SLC44A1: variants seen among roughly 807,000 people sequenced by gnomAD.
SLC44A1 encodes the protein solute carrier family 44 member 1, also known as choline transporter-like protein 1.
A neutral mutation model predicts 79.3 loss-of-function variants in SLC44A1; 26 were observed. The ratio of observed to expected loss-of-function variants is 0.33; its 90% confidence interval spans 0.24 to 0.46. The LOEUF (loss-of-function observed/expected upper bound fraction) is 0.46. Ranked by LOEUF, SLC44A1 falls within the 20% of genes least tolerant of loss-of-function variation. The probability of loss-of-function intolerance (pLI) is 1.00; values close to 1 mark genes in which losing one functional copy is unlikely to be tolerated. For synonymous variants in SLC44A1, 263 were observed against 286.2 expected, an observed-to-expected ratio of 0.92 and a Z score of 0.82; for missense variants, 688 against 798.1, an observed-to-expected ratio of 0.86 and a Z score of 1.66.
chr9:105,435,902 T>G (rs1829458015), intron 15 of SLC44A1, among the ~76,000 whole-genome samples: 1 of 152,220 alleles, frequency 6.6e-6, no homozygotes. Flanking sequence ...ATTCTAAAAT[T>G]AAAAAGTTTA....
intron 5 of SLC44A1, among the ~76,000 whole-genome samples, chr9:105,355,087 G>A (rs542784907): frequency 6.6e-6 from 1 of 152,306 alleles, no homozygotes; most frequent in African/African-American, 2.4e-5. Flanking sequence ...AACAATTCTG[G>A]AAATGTGGGA....
At position 105,251,040 on chromosome 9, in the gene SLC44A1, C is replaced by T. The variant is rs141265952; in HGVS notation, c.36+6136C>T. Reference sequence around the variant, plus strand: ...CCTTTCTCTAGGTAATTTCATCCCTCGTATGGCTTCAGTTACAGTCTGTAT... The same window carrying T: ...CCTTTCTCTAGGTAATTTCATCCCTTGTATGGCTTCAGTTACAGTCTGTAT... On this transcript the variant is annotated intron_variant, in intron 1 of 15. Transcript: ENST00000374720. Among the ~76,000 whole-genome samples, 1,158 of 152,242 alleles carry T rather than the reference C, an allele frequency of 7.6e-3. 12 individuals carry two copies. Among genetic ancestry groups the T allele is most frequent in the Non-Finnish European group, 9.3e-3 (635 of 68,012 alleles).
At chr9:105,430,047 C>T (rs1223228857) in intron 15 of SLC44A1, among the ~76,000 whole-genome samples, 1 of 152,122 alleles carries the variant, frequency 6.6e-6, no homozygotes, top group African/African-American at 2.4e-5. Context: ...GCTGGGACTA[C>T]AGGCATGTGC....
At chr9:105,336,128 GTGTGCA>G (rs1277216686) in intron 4 of SLC44A1, among the ~76,000 whole-genome samples, 2 of 144,662 alleles carry the variant, frequency 1.4e-5, no homozygotes, top group African/African-American at 5.8e-5. Flanking sequence ...ATGTGTGTGT[GTGTGCA>G]TGTGTGTGTG....
chr9:105,305,462 A>G (rs1831003024), intron 2 of SLC44A1, among the ~76,000 whole-genome samples: 1 of 152,028 alleles, frequency 6.6e-6, no homozygotes, highest in South Asian at 2.1e-4. Flanking sequence ...AGCCCTCTGT[A>G]TCTTAAGGTT....
At chr9:105,350,653 T>G (rs1247520392) in intron 5 of SLC44A1, among the ~76,000 whole-genome samples, 1 of 152,192 alleles carries the variant, frequency 6.6e-6, no homozygotes, top group Non-Finnish European at 1.5e-5. Flanking sequence ...ACTTTCTGTT[T>G]GTCACCTTGA....
chr9:105,346,518 A>C (rs1309730407), intron 4 of SLC44A1, among the ~76,000 whole-genome samples: 1 of 152,250 alleles, frequency 6.6e-6, no homozygotes, highest in Non-Finnish European at 1.5e-5. Context: ...CAGATCAGGA[A>C]GTTGATAATC....
intron 12 of SLC44A1, among the ~76,000 whole-genome samples, chr9:105,372,060 T>C (rs1828120606): frequency 6.6e-6 from 1 of 152,216 alleles, no homozygotes; most frequent in South Asian, 2.1e-4. Flanking sequence ...GTGTGGTGCC[T>C]GCTATCTTTT....
At position 105,393,855 on chromosome 9, in the gene SLC44A1, G is replaced by A. The variant is rs1458868339; in HGVS notation, c.*4799G>A. ...CTTAAATGATTTTCTCCAGGACACGGAGCTCAGAATAATAAAGCTTTTATT... is the reference window on the plus strand; with the variant it reads ...CTTAAATGATTTTCTCCAGGACACGAAGCTCAGAATAATAAAGCTTTTATT... On this transcript the variant is annotated 3_prime_UTR_variant, in exon 16 of 16. Coordinates refer to ENST00000374720, the MANE Select transcript of SLC44A1 (RefSeq NM_080546.5). 1.0e-6 allele frequency: 1 copy of A among 984,824 alleles called. No homozygotes were observed. The highest frequency in any genetic ancestry group is 1.7e-5 in the African/African-American group (1 of 57,336). The allele number at this position is 984,824 out of a possible 1,614,324, so 61.0% of individuals were successfully genotyped here. A position where few individuals can be genotyped will look rare whatever the true frequency, so the allele number is the denominator to read the frequency against.
At chr9:105,408,599 C>T (rs1185659145) in intron 15 of SLC44A1, among the ~76,000 whole-genome samples, 1 of 152,084 alleles carries the variant, frequency 6.6e-6, no homozygotes. Context: ...TTAGTAGAGA[C>T]AGAGTTTTAC....
At chr9:105,308,128 G>A (rs1831081295) in intron 2 of SLC44A1, among the ~76,000 whole-genome samples, 1 of 152,222 alleles carries the variant, frequency 6.6e-6, no homozygotes, top group South Asian at 2.1e-4. Flanking sequence ...ACAGAATTAA[G>A]TAAGTTTGTC....
chr9:105,270,262 A>G (rs1830048316), intron 1 of SLC44A1, among the ~76,000 whole-genome samples: 1 of 152,054 alleles, frequency 6.6e-6, no homozygotes, highest in Non-Finnish European at 1.5e-5. Flanking sequence ...ATTTTCTCCT[A>G]AGACTGTCTG....
chr9:105,418,175 G>C (rs890804897), intron 15 of SLC44A1, among the ~76,000 whole-genome samples: 1 of 151,806 alleles, frequency 6.6e-6, no homozygotes, highest in African/African-American at 2.4e-5. Flanking sequence ...TTAGTCGGGT[G>C]TAGTGGTGCA....
At chr9:105,296,356 G>C (rs1160972175) in intron 1 of SLC44A1, among the ~76,000 whole-genome samples, 1 of 152,138 alleles carries the variant, frequency 6.6e-6, no homozygotes, top group African/African-American at 2.4e-5. Flanking sequence ...TAGCACAGAC[G>C]TGACCCACAG....
chr9:105,307,019 G>A (rs914456316), intron 2 of SLC44A1, among the ~76,000 whole-genome samples: 1 of 152,046 alleles, frequency 6.6e-6, no homozygotes, highest in African/African-American at 2.4e-5. Context: ...AGAACCAAAG[G>A]GGTTTTTGTT....
In SLC44A1 at chr9:105,267,897, CTAAG is replaced by C. The variant is rs576509387; in HGVS notation, c.36+22995_36+22998del. ...GGCTCGCCTTTTTCTTCGGGAAACA[CTAAG>C]TGTCAGTATCGTTTGGTCATTTCTC... On this transcript the variant is annotated intron_variant, in intron 1 of 15. Transcript: ENST00000374720. 3.0e-4 allele frequency among the ~76,000 whole-genome samples: 45 copies of C among 152,244 alleles called. No homozygotes were observed. The South Asian group carries it at 5.2e-3, about 18-fold the overall frequency.
intron 4 of SLC44A1, among the ~76,000 whole-genome samples, chr9:105,339,404 G>T (rs1588800201): frequency 6.6e-6 from 1 of 152,136 alleles, no homozygotes; most frequent in African/African-American, 2.4e-5. Context: ...CCACTTCTGA[G>T]AATATATCCA....
intron 4 of SLC44A1, 28 bp downstream of exon 4, chr9:105,335,727 G>T: frequency 1.2e-6 from 2 of 1,601,366 alleles, no homozygotes; most frequent in Non-Finnish European, 1.7e-6. Flanking sequence ...CCAAATCTAT[G>T]TCCTGTCACC....
Position 105,394,738 on chromosome 9 carries a change from CA to C in SLC44A1, c.*5688del. On this transcript the variant is annotated 3_prime_UTR_variant, in exon 16 of 16. Transcript: ENST00000374720. ...AAACTCAAGGGTAGTCCATAGTTGG[CA>C]AAAAATAAATTTGGTAGAAAGTTGG... is the stretch of plus-strand genomic sequence containing the variant. 1.0e-6 allele frequency: 1 copy of C among 985,292 alleles called. No homozygotes were observed. The highest frequency in any genetic ancestry group is 1.7e-5 in the African/African-American group (1 of 57,334). The allele number at this position is 985,292 out of a possible 1,614,324, so 61.0% of individuals were successfully genotyped here.
Sources: gnomAD v4.1 joint callset for allele counts (sites outside exome capture counted in the v4.1 genomes callset) on GRCh38, gnomAD v4.1.1 for gene constraint, MANE v1.5 for transcripts, NCBI Gene and HGNC (gene_info 2026-07-23, HGNC 2026-07-21) for gene names.